DRC2: variants seen among roughly 807,000 people sequenced by gnomAD.
DRC2 encodes the protein dynein regulatory complex subunit 2.
At chr12:48,914,434 GAGCAGTACGCCCATGCCCTGCGC>G in the DRC2 span, 1 of 1,613,520 alleles carries the variant, frequency 6.2e-7, no homozygotes, top group Non-Finnish European at 8.5e-7. Context: ...CGAAGCCGAG[GAGCAGTACGCCCATGCCCTGCGC>G]AGCCACTTGC....
the DRC2 span, among the ~76,000 whole-genome samples, chr12:48,920,530 T>G: frequency 6.6e-6 from 1 of 150,444 alleles, no homozygotes; most frequent in Admixed American, 6.6e-5. Flanking sequence ...AATGATTTTT[T>G]TTTTTTTTTG....
the DRC2 span, among the ~76,000 whole-genome samples, chr12:48,907,937 C>T: frequency 6.6e-6 from 1 of 152,052 alleles, no homozygotes; most frequent in African/African-American, 2.4e-5. Flanking sequence ...TTACACATTA[C>T]CCTGGCTTTA....
chr12:48,915,118 T>C, the DRC2 span, among the ~76,000 whole-genome samples: 2 of 149,556 alleles, frequency 1.3e-5, no homozygotes, highest in African/African-American at 2.5e-5. Context: ...TTCTTTCTTT[T>C]TTTTTTTTTT....
the DRC2 span, among the ~76,000 whole-genome samples, chr12:48,912,922 G>C: frequency 6.6e-6 from 1 of 151,862 alleles, no homozygotes; most frequent in East Asian, 1.9e-4. Context: ...TGGATCACAA[G>C]GTCAAGAGAT....
At chr12:48,913,981 G>A in the DRC2 span, among the ~76,000 whole-genome samples, 3 of 150,186 alleles carry the variant, frequency 2.0e-5, no homozygotes, top group Admixed American at 6.7e-5. Context: ...CCAGGCTGGA[G>A]TGTAGTGGCA....
At chr12:48,911,810 AT>A in the DRC2 span, among the ~76,000 whole-genome samples, 4 of 151,972 alleles carry the variant, frequency 2.6e-5, no homozygotes, top group African/African-American at 7.3e-5. Context: ...TAGCTTGAGT[AT>A]TTCTGAAAAG....
At chr12:48,906,858 G>A in the DRC2 span, among the ~76,000 whole-genome samples, 5 of 151,694 alleles carry the variant, frequency 3.3e-5, no homozygotes, top group African/African-American at 9.7e-5. Context: ...TAGCCACCGC[G>A]CCCAGCCCAT....
chr12:48,912,581 G>A, the DRC2 span, among the ~76,000 whole-genome samples: 1 of 152,216 alleles, frequency 6.6e-6, no homozygotes, highest in Middle Eastern at 3.4e-3. Context: ...TTATGCCTGG[G>A]ACTGGCATAG....
the DRC2 span, among the ~76,000 whole-genome samples, chr12:48,915,844 G>T: frequency 5.1e-4 from 78 of 151,552 alleles, no homozygotes; most frequent in African/African-American, 1.8e-3. Context: ...CTTCTCAGAC[G>T]GGGCAGCTGC....
the DRC2 span, among the ~76,000 whole-genome samples, chr12:48,915,587 C>T: frequency 2.0e-5 from 3 of 151,950 alleles, no homozygotes; most frequent in Non-Finnish European, 4.4e-5. Flanking sequence ...TCCGCAAAGC[C>T]GCCATTGTCA....
At chr12:48,907,083 CG>C in the DRC2 span, among the ~76,000 whole-genome samples, 3 of 151,790 alleles carry the variant, frequency 2.0e-5, no homozygotes, top group African/African-American at 7.3e-5. Flanking sequence ...GGCGTGGTGG[CG>C]GGCACCTGTA....
chr12:48,906,401 T>C, the DRC2 span, among the ~76,000 whole-genome samples: 1 of 151,828 alleles, frequency 6.6e-6, no homozygotes, highest in Non-Finnish European at 1.5e-5. Context: ...CCTCCCGAGT[T>C]CAGCCTCCTG....
the DRC2 span, among the ~76,000 whole-genome samples, chr12:48,912,908 C>T: frequency 6.6e-6 from 1 of 151,698 alleles, no homozygotes; most frequent in Non-Finnish European, 1.5e-5. Context: ...GAGGCCAAGC[C>T]AGGTGGATCA....
the DRC2 span, among the ~76,000 whole-genome samples, chr12:48,907,218 AAAAAC>A: frequency 1.3e-5 from 2 of 152,176 alleles, no homozygotes; most frequent in African/African-American, 2.4e-5. Context: ...CCGTCTCAAA[AAAAAC>A]AAAACAAAAC....
At chr12:48,918,523 CCT>C in the DRC2 span, 22 of 1,575,920 alleles carry the variant, frequency 1.4e-5, no homozygotes, top group African/African-American at 9.5e-5. Flanking sequence ...TCTATTATCC[CCT>C]CTTTTGCTTC....
At chr12:48,907,724 G>A in the DRC2 span, among the ~76,000 whole-genome samples, 44 of 152,162 alleles carry the variant, frequency 2.9e-4, no homozygotes, top group Admixed American at 5.9e-4. Flanking sequence ...CCTCTCTATG[G>A]CACTGACATT....
the DRC2 span, among the ~76,000 whole-genome samples, chr12:48,907,210 G>A: frequency 4.9e-4 from 74 of 152,048 alleles, no homozygotes; most frequent in African/African-American, 1.7e-3. Context: ...GCGAGACTCC[G>A]TCTCAAAAAA....
At chr12:48,920,524 AT>A in the DRC2 span, among the ~76,000 whole-genome samples, 939 of 116,396 alleles carry the variant, frequency 8.1e-3, 1 homozygote, top group African/African-American at 0.011. Context: ...ATAATGAATG[AT>A]TTTTTTTTTT....
the DRC2 span, among the ~76,000 whole-genome samples, chr12:48,911,483 G>A: frequency 6.6e-6 from 1 of 152,128 alleles, no homozygotes; most frequent in Non-Finnish European, 1.5e-5. Flanking sequence ...ATTGAGCCTG[G>A]GAGGTTGAGG....
Sources: gnomAD v4.1 joint callset for allele counts (sites outside exome capture counted in the v4.1 genomes callset) on GRCh38, gnomAD v4.1.1 for gene constraint, MANE v1.5 for transcripts, NCBI Gene and HGNC (gene_info 2026-07-23, HGNC 2026-07-21) for gene names.